The following RPL15 variants were observed in gnomAD, a reference collection of about 807,000 sequenced individuals.
The protein encoded by RPL15 is ribosomal protein L15, also known as large ribosomal subunit protein eL15.
For missense variants in RPL15, 161 were observed against 271.8 expected (o/e 0.59, Z 2.87); for synonymous variants, 97 against 95.1 (o/e 1.02, Z -0.12).
chr3:23,917,631 C>T (rs1007340574), intron 1 of RPL15: 5 of 486,664 alleles, frequency 1.0e-5, no homozygotes, highest in Non-Finnish European at 1.8e-5. Context: ...CCCACCAAAA[C>T]GTGCCGAGCA....
At chr3:23,917,021 C>A (rs1292863127), upstream of RPL15, 1 of 152,580 alleles carries the variant, frequency 6.6e-6, no homozygotes, top group African/African-American at 2.4e-5. Flanking sequence ...CGGCAGAACT[C>A]CGCCACCAGG....
At chr3:23,916,647 C>A (rs891302827), upstream of RPL15, 1 of 152,522 alleles carries the variant, frequency 6.6e-6, no homozygotes, top group Admixed American at 6.5e-5. Flanking sequence ...GGGGAAGCGT[C>A]GGGGGATCTC....
At chr3:23,923,662 T>C (rs1282116528), downstream of RPL15, 2 of 152,244 alleles carry the variant, frequency 1.3e-5, no homozygotes, top group African/African-American at 4.8e-5. Context: ...GCATACATCT[T>C]TATTCATCTG....
At position 23,920,879 on chromosome 3, in the gene RPL15, G is replaced by A. The variant is rs1705042607; in HGVS notation, c.*1378G>A. ...TTCTGTTATTTTTTGTCATCTTACA[G>A]TGCTAATGTACTTTAAAGCAAACCA... On this transcript the variant is annotated 3_prime_UTR_variant, in exon 4 of 4. Transcript: ENST00000307839. The A allele has an allele frequency of 1.5e-6, 1 of 669,478 alleles. No homozygotes were observed. Among genetic ancestry groups the A allele is most frequent in the East Asian group, 1.4e-4 (1 of 7,396 alleles). 41.5% of individuals were successfully genotyped at this position (669,478 alleles called of 1,614,324 possible). A position where few individuals can be genotyped will look rare whatever the true frequency, so the allele number is the denominator to read the frequency against.
downstream of RPL15, chr3:23,923,810 A>G (rs1350799337): frequency 6.6e-6 from 1 of 152,208 alleles, no homozygotes; most frequent in Non-Finnish European, 1.5e-5. Context: ...GGACTTGTTT[A>G]TCCACACCCT....
Position 23,917,885 on chromosome 3 carries a change from A to G in RPL15, c.26A>G (p.Glu9Gly). The change falls in exon 2 of 4, where the codon GAG becomes GGG. Residue 9 changes from glutamate to glycine, a missense_variant. Transcript: ENST00000307839. Reference sequence around the variant, plus strand: ...ATGGGTGCATACAAGTACATCCAGGAGCTATGGAGAAAGAAGCAGTCTGAT... The same window carrying G: ...ATGGGTGCATACAAGTACATCCAGGGGCTATGGAGAAAGAAGCAGTCTGAT... MGAYKYIQ[E>G]LWRKKQSDVM... 6.2e-7 allele frequency: 1 copy of G among 1,611,106 alleles called. No homozygotes were observed. The highest frequency in any genetic ancestry group is 1.1e-5 in the South Asian group (1 of 90,694).
downstream of RPL15, chr3:23,921,757 T>C (rs1463599142): frequency 1.7e-6 from 1 of 604,906 alleles, no homozygotes; most frequent in Non-Finnish European, 2.9e-6. Context: ...GTATTTTTAG[T>C]AGAGACTGGG....
chr3:23,921,870 C>T (rs1172670850), downstream of RPL15: 2 of 474,396 alleles, frequency 4.2e-6, no homozygotes, highest in Non-Finnish European at 3.7e-6. Context: ...CCACCACCCC[C>T]AGCCCAATTT....
At chr3:23,921,223 C>A (rs1402959545), downstream of RPL15, among the ~76,000 whole-genome samples, 1 of 152,172 alleles carries the variant, frequency 6.6e-6, no homozygotes, top group Non-Finnish European at 1.5e-5. Flanking sequence ...AAACCTTGTT[C>A]CTGTCCTTGC....
At position 23,919,946 on chromosome 3, in the gene RPL15, G is replaced by A. The variant is rs1704979961; in HGVS notation, c.*445G>A. The A allele has an allele frequency of 1.2e-5, 12 of 988,920 alleles. No individual in the cohort carries two copies. The highest frequency in any genetic ancestry group is 1.4e-5 in the Non-Finnish European group (12 of 832,054). 61.3% of individuals were successfully genotyped at this position (988,920 alleles called of 1,614,324 possible). A position where few individuals can be genotyped will look rare whatever the true frequency, so the allele number is the denominator to read the frequency against. ...TTAAGTTGGGCTTTAGAAAATCTGGGTTAGCCTGAAGAAAATTGCCTCAGC... is the reference window on the plus strand; with the variant it reads ...TTAAGTTGGGCTTTAGAAAATCTGGATTAGCCTGAAGAAAATTGCCTCAGC... On this transcript the variant is annotated 3_prime_UTR_variant, in exon 4 of 4. Coordinates refer to ENST00000307839, the MANE Select transcript of RPL15 (RefSeq NM_002948.5).
Position 23,919,973 on chromosome 3 carries a change from T to C in RPL15, c.*472T>C, listed in dbSNP as rs1704981338. The C allele has an allele frequency of 2.0e-6, 2 of 988,000 alleles. No homozygotes were observed. Among genetic ancestry groups the C allele is most frequent in the Non-Finnish European group, 2.4e-6 (2 of 831,490 alleles). 61.2% of individuals were successfully genotyped at this position (988,000 alleles called of 1,614,324 possible). ...TAGCCTGAAGAAAATTGCCTCAGCC[T>C]CCACAGTACCATTTTAAATTCACAT... On this transcript the variant is annotated 3_prime_UTR_variant, in exon 4 of 4. Coordinates refer to ENST00000307839, the MANE Select transcript of RPL15 (RefSeq NM_002948.5).
chr3:23,916,764 C>A (rs1008344410), upstream of RPL15: 5 of 152,640 alleles, frequency 3.3e-5, no homozygotes, highest in African/African-American at 1.2e-4. Context: ...GGGGGAGAGC[C>A]CGCGGTGCGT....
intron 3 of RPL15, chr3:23,918,909 G>T: frequency 1.9e-6 from 1 of 517,704 alleles, no homozygotes; most frequent in Non-Finnish European, 3.4e-6. Flanking sequence ...AAAAAGATAA[G>T]GTCCCCAAAC....
Position 23,920,055 on chromosome 3 carries a change from G to T in RPL15, c.*554G>T, listed in dbSNP as rs1704986862. On this transcript the variant is annotated 3_prime_UTR_variant, in exon 4 of 4. Coordinates refer to ENST00000307839, the MANE Select transcript of RPL15 (RefSeq NM_002948.5). ...GCTTCATGGCATTCAGTGATTAGTG[G>T]TAATGGTAAACACTGGTGTGTTTTG... 1 of 986,038 alleles carries T rather than the reference G, an allele frequency of 1.0e-6. No homozygotes were observed. The highest frequency in any genetic ancestry group is 1.2e-6 in the Non-Finnish European group (1 of 830,074). The allele number at this position is 986,038 out of a possible 1,614,324, so 61.1% of individuals were successfully genotyped here. A position where few individuals can be genotyped will look rare whatever the true frequency, so the allele number is the denominator to read the frequency against.
chr3:23,919,387 A>C lies in RPL15; in HGVS notation c.501A>C (p.Ala167=), dbSNP rs781215865. 1.2e-6 allele frequency: 2 copies of C among 1,602,904 alleles called. No homozygotes were observed. Among genetic ancestry groups the C allele is most frequent in the Non-Finnish European group, 1.7e-6 (2 of 1,179,950 alleles). The change falls in exon 4 of 4, where the codon GCA becomes GCC. Residue 167 remains alanine (A), a synonymous_variant. Transcript: ENST00000307839. ...KHREMRGLTS[A]GRKSRGLGKG... Reference sequence around the variant, plus strand: ...GGGAGATGCGTGGGCTGACATCTGCAGGCCGAAAGAGCCGTGGCCTTGGAA... The same window carrying C: ...GGGAGATGCGTGGGCTGACATCTGCCGGCCGAAAGAGCCGTGGCCTTGGAA...
intron 1 of RPL15, chr3:23,917,623 C>T (rs1314181419): frequency 4.2e-6 from 2 of 474,528 alleles, no homozygotes; most frequent in Admixed American, 4.1e-5. Flanking sequence ...TAATTCGCCC[C>T]ACCAAAACGT....
chr3:23,921,476 T>A (rs192460160), downstream of RPL15: 1 of 636,398 alleles, frequency 1.6e-6, no homozygotes, highest in Admixed American at 2.6e-5. Flanking sequence ...AGGGTCACTT[T>A]ATTAGCTATA....
chr3:23,918,938 G>T (rs1489895449), intron 3 of RPL15: 2 of 542,248 alleles, frequency 3.7e-6, no homozygotes, highest in African/African-American at 1.9e-5. Flanking sequence ...TTGTTACCCA[G>T]ATATTAACAT....
At chr3:23,916,978 G>A (rs1704606999), upstream of RPL15, 1 of 152,644 alleles carries the variant, frequency 6.6e-6, no homozygotes, top group South Asian at 2.1e-4. Context: ...TGCGGAGCAG[G>A]GGGCGGGACA....
Sources: allele counts gnomAD v4.1 joint callset (sites outside exome capture counted in the v4.1 genomes callset), GRCh38; gene constraint gnomAD v4.1.1; transcripts MANE v1.5; gene names NCBI Gene and HGNC (gene_info 2026-07-23, HGNC 2026-07-21).